Variants in SYNDIG1 observed in about 807,000 individuals in gnomAD.
SYNDIG1 encodes synapse differentiation-inducing gene protein 1.
In SYNDIG1, 9 loss-of-function variants were observed where a neutral mutation model predicts 19.4. The ratio of observed to expected loss-of-function variants is 0.46; its 90% CI spans 0.28 to 0.81. The LOEUF (loss-of-function observed/expected upper bound fraction) is 0.81, where lower values mean the gene tolerates loss of function less well. Ranked by LOEUF, SYNDIG1 falls within the 30% of genes least tolerant of loss-of-function variation. SYNDIG1 has a pLI of 0.12. For missense variants in SYNDIG1, 311 were observed against 343.3 expected (o/e 0.91, Z 0.74); for synonymous variants, 141 against 145.9 (o/e 0.97, Z 0.24).
chr20:24,537,652 C>T (rs576801605), intron 1 of SYNDIG1, among the ~76,000 whole-genome samples: 2 of 152,242 alleles, frequency 1.3e-5, no homozygotes. Flanking sequence ...AGATGGGGCT[C>T]CAGATGGCAC....
intron 1 of SYNDIG1, among the ~76,000 whole-genome samples, chr20:24,507,200 C>T (rs1415016171): frequency 1.3e-5 from 2 of 152,180 alleles, no homozygotes; most frequent in East Asian, 1.9e-4. Flanking sequence ...ATTAAGGCTG[C>T]GACTGCTCCT....
chr20:24,620,368 G>A (rs568573125), intron 3 of SYNDIG1, among the ~76,000 whole-genome samples: 6 of 152,342 alleles, frequency 3.9e-5, no homozygotes, highest in Non-Finnish European at 7.3e-5. Flanking sequence ...ACAGCTAGGA[G>A]GAAACATCTG....
chr20:24,610,755 C>G (rs2058834318), intron 3 of SYNDIG1, among the ~76,000 whole-genome samples: 1 of 152,186 alleles, frequency 6.6e-6, no homozygotes, highest in African/African-American at 2.4e-5. Flanking sequence ...CTGACCTTCT[C>G]CCTGCCTGGA....
intron 3 of SYNDIG1, among the ~76,000 whole-genome samples, chr20:24,637,316 T>C (rs1473929853): frequency 6.6e-6 from 1 of 152,194 alleles, no homozygotes; most frequent in Non-Finnish European, 1.5e-5. Flanking sequence ...TAATTTACGA[T>C]TCCTTCCCTT....
chr20:24,580,681 T>C (rs2058307846), intron 2 of SYNDIG1, among the ~76,000 whole-genome samples: 2 of 152,188 alleles, frequency 1.3e-5, no homozygotes, highest in Non-Finnish European at 2.9e-5. Context: ...AGTGCTGAGG[T>C]AACAGGTGTG....
intron 3 of SYNDIG1, among the ~76,000 whole-genome samples, chr20:24,628,961 A>G (rs772505226): frequency 7.2e-5 from 11 of 152,202 alleles, no homozygotes; most frequent in Non-Finnish European, 1.6e-4. Flanking sequence ...AGACCCTGAA[A>G]GGCAGGAAGA....
rs73901845 is a variant in SYNDIG1 at position 24,488,669 on chromosome 20, C to T, written c.-79+18916C>T. Reference sequence around the variant, plus strand: ...CAAGAAAGGTGAGTCCTCGTTTGTTCAGCCTTTGCCAAGAACTCTATACCC... The same window carrying T: ...CAAGAAAGGTGAGTCCTCGTTTGTTTAGCCTTTGCCAAGAACTCTATACCC... On this transcript the variant is annotated intron_variant, in intron 1 of 3. Transcript: ENST00000376862. Among the ~76,000 whole-genome samples the T allele has an allele frequency of 6.6e-3, 1,012 of 152,372 alleles. 11 individuals are homozygous for T. The highest frequency in any genetic ancestry group is 0.023 in the African/African-American group (961 of 41,594).
intron 1 of SYNDIG1, among the ~76,000 whole-genome samples, chr20:24,504,689 A>G (rs1218204499): frequency 1.3e-5 from 2 of 152,368 alleles, no homozygotes; most frequent in South Asian, 2.1e-4. Context: ...TCTACTTCAA[A>G]GAAGGCCAGT....
chr20:24,476,393 C>T (rs947730893), intron 1 of SYNDIG1, among the ~76,000 whole-genome samples: 3 of 152,068 alleles, frequency 2.0e-5, no homozygotes, highest in Admixed American at 2.0e-4. Flanking sequence ...ATTGGCCGGG[C>T]GCGGTGGCTT....
chr20:24,640,472 A>ATG (rs2059363362), intron 3 of SYNDIG1, among the ~76,000 whole-genome samples: 1 of 109,950 alleles, frequency 9.1e-6, no homozygotes, highest in African/African-American at 3.3e-5. Context: ...GAGGGAGGGA[A>ATG]AGAAGGAAGG....
intron 3 of SYNDIG1, among the ~76,000 whole-genome samples, chr20:24,611,698 T>A (rs2058850979): frequency 6.6e-6 from 1 of 152,110 alleles, no homozygotes. Context: ...AGCTTCCACT[T>A]CTTCCACAGG....
At chr20:24,540,235 A>AT (rs1430203739) in intron 1 of SYNDIG1, among the ~76,000 whole-genome samples, 2 of 152,144 alleles carry the variant, frequency 1.3e-5, no homozygotes, top group African/African-American at 2.4e-5. Flanking sequence ...AATGCAGCTG[A>AT]TTTTTTGTGT....
intron 3 of SYNDIG1, among the ~76,000 whole-genome samples, chr20:24,587,947 A>T (rs1286194341): frequency 2.0e-5 from 3 of 152,260 alleles, no homozygotes; most frequent in Non-Finnish European, 4.4e-5. Context: ...AGTCAAAGGA[A>T]CATGCCAAGC....
At chr20:24,511,777 A>G (rs982875286) in intron 1 of SYNDIG1, among the ~76,000 whole-genome samples, 1 of 152,144 alleles carries the variant, frequency 6.6e-6, no homozygotes, top group Non-Finnish European at 1.5e-5. Context: ...GCTTTATTGC[A>G]GGAAGTGTTT....
At chr20:24,660,064 T>C (rs534632472) in intron 3 of SYNDIG1, among the ~76,000 whole-genome samples, 4 of 152,350 alleles carry the variant, frequency 2.6e-5, no homozygotes, top group South Asian at 4.1e-4. Flanking sequence ...GCTTCGTTTG[T>C]TCATCACTGT....
At chr20:24,494,270 C>G (rs1378308588) in intron 1 of SYNDIG1, among the ~76,000 whole-genome samples, 2 of 152,142 alleles carry the variant, frequency 1.3e-5, no homozygotes, top group African/African-American at 4.8e-5. Context: ...GAGGATTGAG[C>G]GCACAGTGTC....
At chr20:24,578,673 T>G (rs370684085) in intron 2 of SYNDIG1, among the ~76,000 whole-genome samples, 1 of 152,108 alleles carries the variant, frequency 6.6e-6, no homozygotes, top group Non-Finnish European at 1.5e-5. Context: ...GCATCCTGGC[T>G]TAGGGGACGG....
chr20:24,536,715 A>G (rs1164374393), intron 1 of SYNDIG1, among the ~76,000 whole-genome samples: 1 of 152,092 alleles, frequency 6.6e-6, no homozygotes, highest in Non-Finnish European at 1.5e-5. Flanking sequence ...TACTGCCAGC[A>G]TGGTCTCAGG....
chr20:24,618,542 G>GGTAT (rs2058985561), intron 3 of SYNDIG1, among the ~76,000 whole-genome samples: 1 of 152,134 alleles, frequency 6.6e-6, no homozygotes, highest in African/African-American at 2.4e-5. Context: ...AACCCAAAGG[G>GGTAT]GTATTCTCCT....
Sources: allele counts gnomAD v4.1 joint callset (sites outside exome capture counted in the v4.1 genomes callset), GRCh38; gene constraint gnomAD v4.1.1; transcripts MANE v1.5; gene names NCBI Gene and HGNC (gene_info 2026-07-23, HGNC 2026-07-21).